PLCL2: variants seen among roughly 807,000 people sequenced by gnomAD.
The protein encoded by PLCL2 is phospholipase C like 2, also known as inactive phospholipase C-like protein 2.
Under a neutral mutation model 79.6 loss-of-function variants are expected in PLCL2, and 4 were observed. The observed-to-expected ratio is 0.05, with a 90% CI of 0.02 to 0.11. The LOEUF is 0.11. Ranked by LOEUF, PLCL2 falls within the 10% of genes least tolerant of loss-of-function variation. The probability of loss-of-function intolerance (pLI) is 1.00; values close to 1 mark genes in which losing one functional copy is unlikely to be tolerated. For synonymous variants in PLCL2, 484 were observed against 457.7 expected, an observed-to-expected ratio of 1.06 and a Z score of -0.73; for missense variants, 895 against 1,291.0, an observed-to-expected ratio of 0.69 and a Z score of 4.70.
In PLCL2 at chr3:16,961,439, T is replaced by G. The variant is rs184422388; in HGVS notation, c.328-48235T>G. Reference sequence around the variant, plus strand: ...CATAAAGTTGAAATGCAGTGGGACATGAAGTGGAGGGAAACTTTATCTGAA... The same window carrying G: ...CATAAAGTTGAAATGCAGTGGGACAGGAAGTGGAGGGAAACTTTATCTGAA... On this transcript the variant is annotated intron_variant, in intron 1 of 5. Coordinates refer to ENST00000615277, the MANE Select transcript of PLCL2 (RefSeq NM_001144382.2). Among the ~76,000 whole-genome samples the G allele has an allele frequency of 1.1e-3, 168 of 152,256 alleles. 1 individual carries two copies. The highest frequency in any genetic ancestry group is 4.5e-3 in the Admixed American group (69 of 15,302).
chr3:17,090,433 C>G lies in PLCL2; in HGVS notation c.*521C>G, dbSNP rs1467670823. 1.6e-5 allele frequency: 3 copies of G among 186,220 alleles called. No homozygotes were observed. Among genetic ancestry groups the G allele is most frequent in the African/African-American group, 2.4e-5 (1 of 42,060 alleles). The allele number at this position is 186,220 out of a possible 1,614,324, so 11.5% of individuals were successfully genotyped here. A position where few individuals can be genotyped will look rare whatever the true frequency, so the allele number is the denominator to read the frequency against. Reference sequence around the variant, plus strand: ...ATCCCCGGGGTCCTTGGAGAGCCATCGAGGAGAATGTGCAATTGGACTGAA... The same window carrying G: ...ATCCCCGGGGTCCTTGGAGAGCCATGGAGGAGAATGTGCAATTGGACTGAA... On this transcript the variant is annotated 3_prime_UTR_variant, in exon 6 of 6. Transcript: ENST00000615277.
intron 1 of PLCL2, among the ~76,000 whole-genome samples, chr3:16,955,236 T>C (rs1167134760): frequency 6.6e-6 from 1 of 152,240 alleles, no homozygotes; most frequent in Non-Finnish European, 1.5e-5. Flanking sequence ...GTTTCAGCTT[T>C]CTACATATGG....
chr3:17,079,934 A>G (rs1444242419), intron 5 of PLCL2, among the ~76,000 whole-genome samples: 1 of 152,132 alleles, frequency 6.6e-6, no homozygotes, highest in Non-Finnish European at 1.5e-5. Flanking sequence ...AACCACAGAA[A>G]CATCTCTTTG....
chr3:17,056,850 G>T (rs369551805), intron 4 of PLCL2, among the ~76,000 whole-genome samples: 1 of 152,190 alleles, frequency 6.6e-6, no homozygotes, highest in Non-Finnish European at 1.5e-5. Flanking sequence ...AGAGGCTTTT[G>T]TTGTTAGGAA....
intron 1 of PLCL2, among the ~76,000 whole-genome samples, chr3:16,956,623 C>T (rs1435774116): frequency 3.3e-5 from 5 of 152,086 alleles, no homozygotes; most frequent in African/African-American, 1.2e-4. Context: ...CCTCCTTGTA[C>T]CTCTGGTAGA....
Position 17,024,842 on chromosome 3 carries a change from A to T in PLCL2, c.3018+9931A>T, listed in dbSNP as rs187853314. The stretch of plus-strand genomic sequence containing the variant: ...ACCCATGTTGCTCCTTGATCCTTCA[A>T]TCTGTGCTGTGGGCACAGAGGCGGC... On this transcript the variant is annotated intron_variant, in intron 3 of 5. Coordinates refer to ENST00000615277, the MANE Select transcript of PLCL2 (RefSeq NM_001144382.2). 2.1e-3 allele frequency among the ~76,000 whole-genome samples: 313 copies of T among 152,226 alleles called. 1 individual carries two copies. Among genetic ancestry groups the T allele is most frequent in the African/African-American group, 5.8e-3 (241 of 41,526 alleles).
At chr3:16,927,711 T>G (rs1011899715) in intron 1 of PLCL2, among the ~76,000 whole-genome samples, 1 of 151,652 alleles carries the variant, frequency 6.6e-6, no homozygotes, top group Admixed American at 6.6e-5. Flanking sequence ...GGGTTCCCCC[T>G]ACCTGCCTGT....
chr3:17,056,664 C>G (rs1349490018), intron 4 of PLCL2, among the ~76,000 whole-genome samples: 1 of 151,792 alleles, frequency 6.6e-6, no homozygotes, highest in Non-Finnish European at 1.5e-5. Flanking sequence ...AAAGAAAAAA[C>G]ACAGTCATGC....
At chr3:16,992,834 A>C (rs3924136) in intron 1 of PLCL2, among the ~76,000 whole-genome samples, 1,639 of 152,304 alleles carry the variant, frequency 0.011, 30 homozygotes, top group Admixed American at 0.046. Flanking sequence ...ATAAACAAAA[A>C]GCAGTCATAA....
chr3:16,929,070 GTACA>G (rs761480767), intron 1 of PLCL2, among the ~76,000 whole-genome samples: 112,867 of 112,896 alleles, frequency 1, 56,419 homozygotes, highest in Middle Eastern at 1. Context: ...GGCTTTGAAC[GTACA>G]CCACAGCCGC....
intron 1 of PLCL2, among the ~76,000 whole-genome samples, chr3:16,965,373 G>A (rs2063796342): frequency 6.6e-6 from 1 of 152,050 alleles, no homozygotes; most frequent in Non-Finnish European, 1.5e-5. Context: ...CTGTTCCATT[G>A]GTCTATATGT....
At chr3:17,065,800 A>G (rs747956195) in intron 4 of PLCL2, among the ~76,000 whole-genome samples, 6 of 152,120 alleles carry the variant, frequency 3.9e-5, no homozygotes, top group Non-Finnish European at 8.8e-5. Context: ...TTCATCTTGC[A>G]GTCCATGGAG....
rs1418065985 is a variant in PLCL2, at chr3:17,090,142, T to G, written c.*230T>G. On this transcript the variant is annotated 3_prime_UTR_variant, in exon 6 of 6. Coordinates refer to ENST00000615277, the MANE Select transcript of PLCL2 (RefSeq NM_001144382.2). ...ATTGCTGGCCAAAATATGCTATATT[T>G]GTATACAAAGACATTCTAACTCAGT... 60 of 1,232,576 alleles carry G rather than the reference T, an allele frequency of 4.9e-5. No individual in the cohort carries two copies. Among genetic ancestry groups the G allele is most frequent in the Non-Finnish European group, 5.9e-5 (58 of 985,724 alleles). 76.4% of individuals were successfully genotyped at this position (1,232,576 alleles called of 1,614,324 possible).
intron 3 of PLCL2, 40 bp downstream of exon 3, chr3:17,014,951 G>C (rs747794502): frequency 9.5e-5 from 144 of 1,511,624 alleles, no homozygotes; most frequent in Non-Finnish European, 1.3e-4. Context: ...CTGGGTGAGA[G>C]AGATATCCTA....
At chr3:17,050,741 C>T (rs2064830899) in intron 4 of PLCL2, among the ~76,000 whole-genome samples, 1 of 152,050 alleles carries the variant, frequency 6.6e-6, no homozygotes, top group Admixed American at 6.6e-5. Context: ...TTTGAAGGTT[C>T]CTCAAAAAAA....
In PLCL2 at chr3:16,971,555, C is replaced by T. The variant is rs572524396; in HGVS notation, c.328-38119C>T. Among the ~76,000 whole-genome samples the T allele has an allele frequency of 2.6e-5, 4 of 152,188 alleles. No individual in the cohort carries two copies. In the East Asian group the frequency reaches 7.7e-4, roughly 29 times the overall value. On this transcript the variant is annotated intron_variant, in intron 1 of 5. Transcript: ENST00000615277. ...GGGCTCTTTTTTGGTTCCATATGAA[C>T]TTTAAAGTAGTTTTTTCTAATTCTG...
chr3:17,001,189 G>T (rs60973313), intron 1 of PLCL2, among the ~76,000 whole-genome samples: 1 of 151,706 alleles, frequency 6.6e-6, no homozygotes, highest in Non-Finnish European at 1.5e-5. Context: ...TCATATACTT[G>T]TTGGCCATTT....
intron 1 of PLCL2, among the ~76,000 whole-genome samples, chr3:16,910,666 C>T (rs987572817): frequency 5.9e-5 from 9 of 151,952 alleles, no homozygotes; most frequent in African/African-American, 9.7e-5. Flanking sequence ...ATCTCTACCC[C>T]GACTCTCTTC....
chr3:17,067,639 G>T (rs917390067), intron 4 of PLCL2, among the ~76,000 whole-genome samples: 2 of 152,118 alleles, frequency 1.3e-5, no homozygotes, highest in African/African-American at 4.8e-5. Flanking sequence ...CCTTCTTTCT[G>T]CTCCCTTGGC....
Sources: allele counts gnomAD v4.1 joint callset (sites outside exome capture counted in the v4.1 genomes callset), GRCh38; gene constraint gnomAD v4.1.1; transcripts MANE v1.5; gene names NCBI Gene and HGNC (gene_info 2026-07-23, HGNC 2026-07-21).